USP9X: variants seen among roughly 807,000 people sequenced by gnomAD.
USP9X encodes ubiquitin specific peptidase 9 X-linked, also known as ubiquitin carboxyl-terminal hydrolase 9X.
USP9X carries 7 observed loss-of-function variants against 190.3 expected under a neutral mutation model. The ratio of observed to expected loss-of-function variants is 0.04; its 90% CI spans 0.02 to 0.07. The LOEUF is 0.07. Ranked by LOEUF, USP9X falls within the 10% of genes least tolerant of loss-of-function variation. The pLI, the probability that USP9X is intolerant of heterozygous loss-of-function variation, is 1.00. For missense variants in USP9X, 1,010 were observed against 1,916.9 expected (o/e 0.53, Z 8.83); for synonymous variants, 645 against 659.5 (o/e 0.98, Z 0.34).
chrX:41,105,173 T>C (rs1275708400), intron 1 of USP9X, among the ~76,000 whole-genome samples: 1 of 111,397 alleles, frequency 9.0e-6, no homozygotes, highest in Non-Finnish European at 1.9e-5. Context: ...ACTGCGTACA[T>C]ACTTCTGAGA....
chrX:41,182,557 G>C (rs192277465), intron 21 of USP9X, among the ~76,000 whole-genome samples: 2 of 110,854 alleles, frequency 1.8e-5, no homozygotes, highest in East Asian at 5.6e-4. Context: ...TGTATGTCAA[G>C]TCTTTGGGCA....
chrX:41,151,013 T>A lies in USP9X; in HGVS notation c.1719T>A (p.Ile573=), dbSNP rs750666706. The A allele has an allele frequency of 8.3e-7, 1 of 1,204,795 alleles. No individual in the cohort carries two copies. Among genetic ancestry groups the A allele is most frequent in the South Asian group, 1.8e-5 (1 of 55,521 alleles). The change falls in exon 13 of 45, where the codon ATT becomes ATA. Residue 573 remains isoleucine (I), a synonymous_variant. Transcript: ENST00000378308. ...DKWVIPALKQ[I]REICSLFGEA... ...GGGTTATTCCCGCACTGAAACAAAT[T>A]AGAGAAATTTGTAGTTTGTTTGGTG...
intron 1 of USP9X, among the ~76,000 whole-genome samples, chrX:41,116,560 T>C (rs1367231451): frequency 8.9e-6 from 1 of 112,486 alleles, no homozygotes; most frequent in Non-Finnish European, 1.9e-5. Context: ...GTGGTGTTAT[T>C]CTTGGATAAC....
At chrX:41,117,302 CT>C (rs1027267100) in intron 1 of USP9X, among the ~76,000 whole-genome samples, 2 of 111,729 alleles carry the variant, frequency 1.8e-5, no homozygotes, top group Non-Finnish European at 3.8e-5. Flanking sequence ...GGGATAGTCC[CT>C]TAGTTATCCA....
intron 1 of USP9X, among the ~76,000 whole-genome samples, chrX:41,114,275 C>T (rs886835675): frequency 1.6e-4 from 18 of 111,489 alleles, no homozygotes; most frequent in African/African-American, 5.5e-4. Flanking sequence ...AAAGTCATGA[C>T]GTTATAATGT....
At chrX:41,108,478 A>G (rs999675377) in intron 1 of USP9X, among the ~76,000 whole-genome samples, 2 of 110,764 alleles carry the variant, frequency 1.8e-5, no homozygotes, top group African/African-American at 6.6e-5. Context: ...CTTAGCTTTT[A>G]TTTCCCTGGT....
chrX:41,095,463 T>TGTCTTC (rs1480606430), intron 1 of USP9X, among the ~76,000 whole-genome samples: 2 of 112,456 alleles, frequency 1.8e-5, no homozygotes, highest in African/African-American at 6.5e-5. Context: ...GCCAGTGGTA[T>TGTCTTC]AGCCCCTACC....
chrX:41,164,139 G>T (rs2062658880), intron 15 of USP9X, among the ~76,000 whole-genome samples: 1 of 111,266 alleles, frequency 9.0e-6, no homozygotes, highest in African/African-American at 3.3e-5. Context: ...CCAAAGTGCT[G>T]GTATTAAGGT....
chrX:41,170,029 C>G lies in USP9X; in HGVS notation c.2671C>G (p.Arg891Gly). The change falls in exon 19 of 45, where the codon CGA becomes GGA. Residue 891 changes from arginine to glycine, a missense_variant. Physicochemically the swap from Arg to Gly is moderately radical, Grantham distance 125 (BLOSUM62 -2). This residue lies in a region of USP9X where 351 missense variants were observed against 480.8 expected (regional missense o/e 0.73). Coordinates refer to ENST00000378308, the MANE Select transcript of USP9X (RefSeq NM_001039591.3). ...FRGKHLSFVV[R>G]FPNQGRQVDD... The stretch of plus-strand genomic sequence containing the variant: ...CGGTAAACACCTCTCTTTTGTAGTT[C>G]GATTTCCAAACCAGGGCAGACAGGT... The G allele has an allele frequency of 8.3e-7, 1 of 1,211,169 alleles. No individual in the cohort carries two copies. The highest frequency in any genetic ancestry group is 3.0e-5 in the East Asian group (1 of 33,829).
intron 6 of USP9X, among the ~76,000 whole-genome samples, chrX:41,140,250 G>A (rs1242652680): frequency 3.6e-5 from 4 of 112,384 alleles, no homozygotes; most frequent in Non-Finnish European, 7.5e-5. Flanking sequence ...TAAACAAGAA[G>A]TAGATTCAAA....
chrX:41,175,443 C>G (rs1473826023), intron 21 of USP9X, among the ~76,000 whole-genome samples: 7 of 109,997 alleles, frequency 6.4e-5, no homozygotes, highest in Non-Finnish European at 9.5e-5. Flanking sequence ...ATCACTTGAG[C>G]CTGGGAGATG....
At position 41,188,087 on chromosome X, in the gene USP9X, A is replaced by G; in HGVS notation, c.3780A>G (p.Pro1260=). Residue 1260 remains proline (P), a synonymous_variant, in exon 25 of 45, where the codon CCA becomes CCG. Coordinates refer to ENST00000378308, the MANE Select transcript of USP9X (RefSeq NM_001039591.3). ...GCGSLQLVFS[P]NEEITKIYEK... is the part of the protein sequence containing the mutation. ...GGTCGTTACAGCTAGTATTTAGCCC[A>G]AATGAAGAAATCACTAAAATTTATG... 8.3e-7 allele frequency: 1 copy of G among 1,208,793 alleles called. No homozygotes were observed. The highest frequency in any genetic ancestry group is 1.1e-6 in the Non-Finnish European group (1 of 893,760).
chrX:41,229,497 G>T, intron 42 of USP9X, 70 bp from the exon 43 acceptor site: 1 of 1,163,457 alleles, frequency 8.6e-7, no homozygotes, highest in Non-Finnish European at 1.1e-6. Flanking sequence ...AGAACTTGGG[G>T]TTGTCATTTT....
intron 31 of USP9X, among the ~76,000 whole-genome samples, chrX:41,204,300 T>C (rs976715584): frequency 8.9e-6 from 1 of 112,024 alleles, no homozygotes; most frequent in Admixed American, 9.5e-5. Context: ...GTTCTAGATA[T>C]TAACTCCATA....
chrX:41,133,628 C>T (rs1054726980), intron 4 of USP9X, among the ~76,000 whole-genome samples: 2 of 112,074 alleles, frequency 1.8e-5, no homozygotes, highest in African/African-American at 6.5e-5. Flanking sequence ...TCCCGCTATT[C>T]TTTACGTCCG....
At chrX:41,170,949 T>A (rs1427845518) in intron 20 of USP9X, among the ~76,000 whole-genome samples, 1 of 111,794 alleles carries the variant, frequency 8.9e-6, no homozygotes, top group Non-Finnish European at 1.9e-5. Context: ...CCAGGACCTC[T>A]GCATATACCC....
intron 21 of USP9X, among the ~76,000 whole-genome samples, chrX:41,176,022 C>T (rs2062772126): frequency 9.0e-6 from 1 of 111,400 alleles, no homozygotes; most frequent in South Asian, 3.8e-4. Context: ...CTCCCAGTAG[C>T]TGGGATTACA....
At chrX:41,112,092 G>A (rs2062113885) in intron 1 of USP9X, among the ~76,000 whole-genome samples, 1 of 112,149 alleles carries the variant, frequency 8.9e-6, no homozygotes, top group Non-Finnish European at 1.9e-5. Context: ...TGATCTGCCT[G>A]CCTTGGCCTC....
Position 41,123,658 on chromosome X carries a change from C to G in USP9X, c.30C>G (p.Val10=). ...CAGCCACGACTCGTGGCTCTCCGGT[C>G]GGAGGGAATGACAACCAGGGCCAGG... The part of the protein sequence containing the change: MTATTRGSP[V]GGNDNQGQAP... The change falls in exon 2 of 45, where the codon GTC becomes GTG. Residue 10 remains valine (V), a synonymous_variant. Transcript: ENST00000378308. 2.5e-6 allele frequency: 3 copies of G among 1,211,568 alleles called. No individual in the cohort carries two copies. The highest frequency in any genetic ancestry group is 1.7e-5 in the African/African-American group (1 of 57,819).
Sources: gnomAD v4.1 joint callset for allele counts (sites outside exome capture counted in the v4.1 genomes callset) on GRCh38, gnomAD v4.1.1 for gene constraint, gnomAD v4.1.1 regional missense constraint, MANE v1.5 for transcripts, NCBI Gene and HGNC (gene_info 2026-07-23, HGNC 2026-07-21) for gene names.